Variants in SLC2A13 observed in about 807,000 individuals in gnomAD.
SLC2A13 encodes proton myo-inositol cotransporter.
A neutral mutation model predicts 64.4 loss-of-function variants in SLC2A13; 32 were observed. The observed-to-expected ratio is 0.50, with a 90% CI of 0.37 to 0.67. SLC2A13 has a LOEUF of 0.67. SLC2A13 is among the 30% of genes least tolerant of loss of function. The pLI, the probability that SLC2A13 is intolerant of heterozygous loss-of-function variation, is 0.00. For missense variants in SLC2A13, 743 were observed against 829.2 expected (o/e 0.90, Z 1.28); for synonymous variants, 338 against 327.1 (o/e 1.03, Z -0.36).
intron 3 of SLC2A13, among the ~76,000 whole-genome samples, chr12:39,960,151 T>C (rs1453411861): frequency 1.3e-5 from 2 of 152,224 alleles, no homozygotes; most frequent in Non-Finnish European, 2.9e-5. Flanking sequence ...TCTAAAGTTA[T>C]ATGCATATTT....
intron 6 of SLC2A13, among the ~76,000 whole-genome samples, chr12:39,847,279 A>G (rs1735712471): frequency 8.8e-6 from 1 of 113,186 alleles, no homozygotes; most frequent in Non-Finnish European, 1.8e-5. Flanking sequence ...CTAGTGGCCT[A>G]TCCCTACATT....
chr12:39,764,694 G>A, intron 8 of SLC2A13, 43 bp downstream of exon 8: 2 of 1,594,740 alleles, frequency 1.3e-6, no homozygotes, highest in Non-Finnish European at 1.7e-6. Context: ...TCCAAAAAGA[G>A]GCAATTCAAT....
In SLC2A13 at chr12:40,084,703, C is replaced by A. The variant is rs191775562; in HGVS notation, c.556+20550G>T. ...TTTAGCATTTTGTAAATGTATGAGA[C>A]TAGGATTGAGGACTCCTCTTAAGGC... On this transcript the variant is annotated intron_variant, in intron 1 of 9. Transcript: ENST00000280871. 5.0e-4 allele frequency among the ~76,000 whole-genome samples: 76 copies of A among 152,012 alleles called. 1 individual carries two copies. Among genetic ancestry groups the A allele is most frequent in the African/African-American group, 1.8e-3 (73 of 41,472 alleles).
chr12:39,943,289 GAGATTAGCTGCTCTCTTC>G (rs1946074738), intron 4 of SLC2A13, among the ~76,000 whole-genome samples: 1 of 152,202 alleles, frequency 6.6e-6, no homozygotes, highest in South Asian at 2.1e-4. Context: ...GCTGTGCTGG[GAGATTAGCTGCTCTCTTC>G]AGAGCCAGCA....
intron 7 of SLC2A13, among the ~76,000 whole-genome samples, chr12:39,771,406 C>G (rs1940571030): frequency 6.6e-6 from 1 of 152,180 alleles, no homozygotes; most frequent in Admixed American, 6.5e-5. Flanking sequence ...TGTAGGATGC[C>G]TATGCTGGGA....
chr12:39,977,429 G>A (rs1946783594), intron 3 of SLC2A13, among the ~76,000 whole-genome samples: 1 of 152,184 alleles, frequency 6.6e-6, no homozygotes, highest in African/African-American at 2.4e-5. Flanking sequence ...TTGTCTCAGT[G>A]TTCACTTTCT....
chr12:39,774,131 C>T (rs953944434), intron 7 of SLC2A13, among the ~76,000 whole-genome samples: 2 of 152,110 alleles, frequency 1.3e-5, no homozygotes, highest in Non-Finnish European at 2.9e-5. Context: ...GATATAATTA[C>T]ACCATTACAA....
chr12:40,059,893 T>C (rs1015727384), intron 1 of SLC2A13, among the ~76,000 whole-genome samples: 10 of 151,978 alleles, frequency 6.6e-5, no homozygotes, highest in African/African-American at 2.2e-4. Flanking sequence ...TAATCCACAA[T>C]GGAAGATTAG....
chr12:40,086,372 C>A (rs1938588292), intron 1 of SLC2A13, among the ~76,000 whole-genome samples: 1 of 152,108 alleles, frequency 6.6e-6, no homozygotes, highest in African/African-American at 2.4e-5. Context: ...AAAATAAACA[C>A]CTGTGGCCAT....
intron 3 of SLC2A13, among the ~76,000 whole-genome samples, chr12:39,971,997 A>AAAAAATATAT (rs1375405006): frequency 2.6e-5 from 2 of 77,378 alleles, no homozygotes; most frequent in African/African-American, 4.8e-5. Flanking sequence ...AAAAAAAAAA[A>AAAAAATATAT]ATATATATAT....
At chr12:39,909,648 G>A (rs1392746092) in intron 4 of SLC2A13, among the ~76,000 whole-genome samples, 1 of 152,132 alleles carries the variant, frequency 6.6e-6, no homozygotes, top group South Asian at 2.1e-4. Flanking sequence ...AGCCTAAGCT[G>A]TGAAGTCATG....
chr12:39,850,026 AT>A lies in SLC2A13; in HGVS notation c.1319+14735del, dbSNP rs1483152475. 2.6e-5 allele frequency among the ~76,000 whole-genome samples: 4 copies of A among 152,134 alleles called. No homozygotes were observed. In the East Asian group the frequency reaches 7.7e-4, roughly 29 times the overall value. ...CATTTTTCTTGAAAAGGCAACTCAA[AT>A]TGTAGTTAAGCTCTCTCTTTCTTCT... is the stretch of plus-strand genomic sequence containing the variant. On this transcript the variant is annotated intron_variant, in intron 6 of 9. Coordinates refer to ENST00000280871, the MANE Select transcript of SLC2A13 (RefSeq NM_052885.4).
intron 3 of SLC2A13, among the ~76,000 whole-genome samples, chr12:39,959,912 A>G (rs562703602): frequency 6.6e-6 from 1 of 152,314 alleles, no homozygotes; most frequent in African/African-American, 2.4e-5. Flanking sequence ...GCATCTACCA[A>G]CCAACCCATC....
intron 4 of SLC2A13, among the ~76,000 whole-genome samples, chr12:39,910,787 T>G (rs1592276393): frequency 6.6e-6 from 1 of 152,010 alleles, no homozygotes; most frequent in East Asian, 1.9e-4. Flanking sequence ...AATTTTAAAT[T>G]TTAGTCAGAA....
intron 7 of SLC2A13, among the ~76,000 whole-genome samples, chr12:39,770,076 A>G (rs556889694): frequency 2.0e-5 from 3 of 152,088 alleles, no homozygotes; most frequent in African/African-American, 7.2e-5. Context: ...TCTCTGACCT[A>G]TATGTATTCA....
At chr12:39,777,686 A>G (rs1940825175) in intron 7 of SLC2A13, among the ~76,000 whole-genome samples, 2 of 152,184 alleles carry the variant, frequency 1.3e-5, no homozygotes, top group African/African-American at 4.8e-5. Flanking sequence ...CAATGGAGGC[A>G]CACACAGGTG....
chr12:39,793,987 G>T (rs572153964), intron 7 of SLC2A13, among the ~76,000 whole-genome samples: 1 of 151,914 alleles, frequency 6.6e-6, no homozygotes, highest in Non-Finnish European at 1.5e-5. Context: ...GTGGAGAACT[G>T]TAAAATTTTC....
chr12:39,975,847 CG>C (rs10706880), intron 3 of SLC2A13, among the ~76,000 whole-genome samples: 10,498 of 152,214 alleles, frequency 0.069, 767 homozygotes, highest in African/African-American at 0.18. Flanking sequence ...TGTTCAATAA[CG>C]TATATTTGCT....
In SLC2A13 at chr12:39,871,861, G is replaced by T; in HGVS notation, c.1135C>A (p.Leu379Ile). 1 of 1,612,604 alleles carries T rather than the reference G, an allele frequency of 6.2e-7. No individual in the cohort carries two copies. Among genetic ancestry groups the T allele is most frequent in the Non-Finnish European group, 8.5e-7 (1 of 1,179,402 alleles). Residue 379 changes from leucine (L) to isoleucine (I), a missense_variant, in exon 5 of 10, where the codon CTT (leucine) becomes ATT (isoleucine). Transcript: ENST00000280871. ...VTAFTNFIFT[L>I]VGVWLVEKVG... ...TTCTCAACAAGCCAGACTCCCACAA[G>T]TGTGAAAATGAAATTTGTGAAGGCT... is the stretch of plus-strand genomic sequence containing the variant.
Sources: allele counts gnomAD v4.1 joint callset (sites outside exome capture counted in the v4.1 genomes callset), GRCh38; gene constraint gnomAD v4.1.1; transcripts MANE v1.5; gene names NCBI Gene and HGNC (gene_info 2026-07-23, HGNC 2026-07-21).